FBXO34: variants seen among roughly 807,000 people sequenced by gnomAD.
FBXO34 encodes F-box protein 34.
A neutral mutation model predicts 24.5 loss-of-function variants in FBXO34; 12 were observed. That is an observed-to-expected ratio of 0.49 (90% CI 0.31 to 0.79). The LOEUF (loss-of-function observed/expected upper bound fraction) is 0.79, where lower values mean the gene tolerates loss of function less well. Among genes scored for constraint, FBXO34 ranks in the 30% least tolerant of loss-of-function variants. The probability of loss-of-function intolerance (pLI) is 0.04; values close to 1 mark genes in which losing one functional copy is unlikely to be tolerated. For synonymous variants in FBXO34, 320 were observed against 311.9 expected, an observed-to-expected ratio of 1.03 and a Z score of -0.27; for missense variants, 823 against 857.7, an observed-to-expected ratio of 0.96 and a Z score of 0.51.
chr14:55,422,500 C>G, the FBXO34 span, among the ~76,000 whole-genome samples: 1 of 152,164 alleles, frequency 6.6e-6, no homozygotes, highest in Non-Finnish European at 1.5e-5. Context: ...TCGCCTGCCT[C>G]GGCCTCCCGA....
intron 1 of FBXO34, among the ~76,000 whole-genome samples, chr14:55,332,431 G>A (rs755016194): frequency 4.1e-4 from 62 of 152,224 alleles, no homozygotes; most frequent in Non-Finnish European, 8.1e-4. Context: ...CCGAGGTCTG[G>A]AGCTATCACC....
At chr14:55,280,535 T>TTTTTC (rs1214266762) in intron 1 of FBXO34, among the ~76,000 whole-genome samples, 4 of 138,482 alleles carry the variant, frequency 2.9e-5, no homozygotes, top group South Asian at 2.3e-4. Context: ...AACTTTTTTT[T>TTTTTC]TTTTTTTTTG....
At chr14:55,287,999 C>T (rs1011404096) in intron 1 of FBXO34, among the ~76,000 whole-genome samples, 2 of 152,166 alleles carry the variant, frequency 1.3e-5, no homozygotes, top group Admixed American at 6.5e-5. Flanking sequence ...CTTGTGGCAT[C>T]GTGTTGGAGC....
the FBXO34 span, chr14:55,436,679 C>T: frequency 1.9e-6 from 3 of 1,614,018 alleles, no homozygotes; most frequent in African/African-American, 2.7e-5. Context: ...TGGACTGAGT[C>T]AGTATCACCA....
chr14:55,351,947 T>G lies in FBXO34; in HGVS notation c.1557T>G (p.Ser519Arg). The G allele has an allele frequency of 3.7e-6, 6 of 1,614,154 alleles. No homozygotes were observed. The highest frequency in any genetic ancestry group is 5.1e-6 in the Non-Finnish European group (6 of 1,180,020). Residue 519 changes from serine (S) to arginine (R), a missense_variant, in exon 2 of 2, where the codon AGT becomes AGG. Transcript: ENST00000313833. The part of the protein sequence containing the change: ...SQLEDAAGGD[S>R]ASEEKSGSAE... ...TTGAAGATGCTGCTGGGGGTGACAGTGCATCTGAGGAAAAAAGTGGGTCTG... is the reference window on the plus strand; with the variant it reads ...TTGAAGATGCTGCTGGGGGTGACAGGGCATCTGAGGAAAAAAGTGGGTCTG...
At chr14:55,278,131 G>C (rs993310472) in intron 1 of FBXO34, among the ~76,000 whole-genome samples, 1 of 152,024 alleles carries the variant, frequency 6.6e-6, no homozygotes, top group Admixed American at 6.6e-5. Context: ...TCTTATGCAG[G>C]TATGTCTGCT....
At chr14:55,403,813 A>G in the FBXO34 span, among the ~76,000 whole-genome samples, 1 of 152,206 alleles carries the variant, frequency 6.6e-6, no homozygotes, top group African/African-American at 2.4e-5. Flanking sequence ...GGATTGTGAG[A>G]GAATTTTCCT....
At chr14:55,299,614 A>T (rs1163481780) in intron 1 of FBXO34, among the ~76,000 whole-genome samples, 1 of 152,180 alleles carries the variant, frequency 6.6e-6, no homozygotes, top group East Asian at 1.9e-4. Context: ...CAAAACTAAC[A>T]GATTGATCTG....
downstream of FBXO34, among the ~76,000 whole-genome samples, chr14:55,353,834 C>A (rs1415760288): frequency 2.6e-5 from 4 of 152,096 alleles, no homozygotes; most frequent in Admixed American, 2.6e-4. Flanking sequence ...ATTTCCTGTT[C>A]GAGTGACGTA....
At chr14:55,392,167 G>C in the FBXO34 span, among the ~76,000 whole-genome samples, 2 of 152,154 alleles carry the variant, frequency 1.3e-5, no homozygotes, top group African/African-American at 4.8e-5. Context: ...GTCCATAATA[G>C]AGTTCGCACT....
chr14:55,298,728 A>T, intron 1 of FBXO34: 5 of 1,569,692 alleles, frequency 3.2e-6, no homozygotes, highest in Non-Finnish European at 3.5e-6. Flanking sequence ...CACGGAGGAG[A>T]TGTTAAGCAA....
intron 1 of FBXO34, among the ~76,000 whole-genome samples, chr14:55,286,773 T>TA (rs906261198): frequency 6.6e-6 from 1 of 152,162 alleles, no homozygotes; most frequent in Non-Finnish European, 1.5e-5. Flanking sequence ...TCTCTTATCT[T>TA]ACATGCTTGG....
At chr14:55,274,895 A>G (rs972019193) in intron 1 of FBXO34, among the ~76,000 whole-genome samples, 1 of 152,230 alleles carries the variant, frequency 6.6e-6, no homozygotes, top group African/African-American at 2.4e-5. Flanking sequence ...GGTATGATGA[A>G]TGCCTTCCTT....
intron 1 of FBXO34, among the ~76,000 whole-genome samples, chr14:55,344,706 C>T (rs994826026): frequency 6.6e-6 from 1 of 152,020 alleles, no homozygotes; most frequent in Non-Finnish European, 1.5e-5. Context: ...AATGCTCTCC[C>T]TCCCCTTGTC....
At chr14:55,338,768 TG>T (rs1293895456) in intron 1 of FBXO34, among the ~76,000 whole-genome samples, 1 of 151,992 alleles carries the variant, frequency 6.6e-6, no homozygotes. Context: ...TAGCTGGGCA[TG>T]GTGGCAGGCG....
At chr14:55,419,867 A>G in the FBXO34 span, among the ~76,000 whole-genome samples, 3 of 152,184 alleles carry the variant, frequency 2.0e-5, no homozygotes, top group African/African-American at 7.2e-5. Flanking sequence ...TGTAATTGCA[A>G]CACTTTACAT....
At chr14:55,293,020 T>C (rs1242433869) in intron 1 of FBXO34, among the ~76,000 whole-genome samples, 2 of 152,086 alleles carry the variant, frequency 1.3e-5, no homozygotes, top group African/African-American at 4.8e-5. Context: ...GTAGCTGGGA[T>C]TACAGGCGTG....
the FBXO34 span, among the ~76,000 whole-genome samples, chr14:55,432,515 T>C: frequency 1.7e-4 from 23 of 138,432 alleles, no homozygotes; most frequent in African/African-American, 7.2e-4. Flanking sequence ...ATGGTGAAAA[T>C]AGTTAACAAA....
the FBXO34 span, among the ~76,000 whole-genome samples, chr14:55,408,742 G>A: frequency 6.6e-6 from 1 of 152,280 alleles, no homozygotes; most frequent in African/African-American, 2.4e-5. Flanking sequence ...GTGCACTCCA[G>A]CCTCGGTGAC....
Sources: gnomAD v4.1 joint callset for allele counts (sites outside exome capture counted in the v4.1 genomes callset) on GRCh38, gnomAD v4.1.1 for gene constraint, MANE v1.5 for transcripts, NCBI Gene and HGNC (gene_info 2026-07-23, HGNC 2026-07-21) for gene names.